The following HEATR1 variants were observed in gnomAD, a reference collection of about 807,000 sequenced individuals.
HEATR1 encodes HEAT repeat-containing protein 1.
A neutral mutation model predicts 248.2 loss-of-function variants in HEATR1; 77 were observed. The observed-to-expected ratio is 0.31, with a 90% CI of 0.26 to 0.37. HEATR1 has a LOEUF of 0.37. HEATR1 is among the 10% of genes least tolerant of loss of function. HEATR1 has a pLI of 1.00. For missense variants in HEATR1, 2,420 were observed against 2,504.9 expected, an observed-to-expected ratio of 0.97 and a Z score of 0.72; for synonymous variants, 897 against 923.1, an observed-to-expected ratio of 0.97 and a Z score of 0.51.
chr1:236,577,218 C>T (rs533512228), intron 20 of HEATR1, among the ~76,000 whole-genome samples: 1 of 152,316 alleles, frequency 6.6e-6, no homozygotes, highest in African/African-American at 2.4e-5. Flanking sequence ...ATGGTGCAAT[C>T]TCGGCTCACT....
intron 9 of HEATR1, 120 bp downstream of exon 9, chr1:236,593,892 T>C: frequency 3.0e-6 from 2 of 657,598 alleles, no homozygotes; most frequent in Non-Finnish European, 5.2e-6. Context: ...GTTAATGAAA[T>C]GATACAGACA....
At chr1:236,572,616 C>A in intron 25 of HEATR1, 62 bp from the exon 26 acceptor site, 1 of 1,606,468 alleles carries the variant, frequency 6.2e-7, no homozygotes, top group Non-Finnish European at 8.5e-7. Flanking sequence ...AAGTAAAAAC[C>A]ATTGTGCCTG....
At position 236,572,543 on chromosome 1, in the gene HEATR1, T is replaced by A; in HGVS notation, c.3575A>T (p.Asp1192Val). 6.2e-7 allele frequency: 1 copy of A among 1,613,710 alleles called. No individual in the cohort carries two copies. Among genetic ancestry groups the A allele is most frequent in the African/African-American group, 1.3e-5 (1 of 74,986 alleles). ...TCCAACTTCCTGAACAGATTCTAGA[T>A]CTTGTGATTTTCTGGAAAATGGAGA... ...RQKMQQKKSQ[D>V]LESVQEVGGS... Residue 1192 changes from aspartate (D) to valine (V), a missense_variant, in exon 26 of 45, where the codon GAT (aspartate) becomes GTT (valine). By Grantham distance (152) the Asp-to-Val change is radical. Transcript: ENST00000366582.
intron 3 of HEATR1, among the ~76,000 whole-genome samples, chr1:236,602,476 C>T (rs1207124713): frequency 6.6e-6 from 1 of 152,216 alleles, no homozygotes. Flanking sequence ...AACACATTAG[C>T]TATCATTGTT....
At chr1:236,570,358 T>C (rs1663394020) in intron 28 of HEATR1, among the ~76,000 whole-genome samples, 1 of 152,064 alleles carries the variant, frequency 6.6e-6, no homozygotes, top group Non-Finnish European at 1.5e-5. Flanking sequence ...GGCCACATAT[T>C]GTATGACTCA....
At chr1:236,579,780 T>C (rs1437527285) in intron 20 of HEATR1, among the ~76,000 whole-genome samples, 1 of 152,134 alleles carries the variant, frequency 6.6e-6, no homozygotes, top group Non-Finnish European at 1.5e-5. Flanking sequence ...CATATCTACT[T>C]TAAATGTAAC....
chr1:236,574,959 C>A, intron 22 of HEATR1, 56 bp from the exon 23 acceptor site: 1 of 1,540,050 alleles, frequency 6.5e-7, no homozygotes. Flanking sequence ...TGTTTTTGCT[C>A]ACTCTACAGA....
intron 41 of HEATR1, 79 bp downstream of exon 41, chr1:236,555,217 G>C: frequency 1.4e-6 from 2 of 1,443,050 alleles, no homozygotes; most frequent in Non-Finnish European, 1.9e-6. Context: ...TTGCTTCCAA[G>C]CACTAGGTTG....
intron 3 of HEATR1, among the ~76,000 whole-genome samples, chr1:236,600,462 C>G (rs1275820500): frequency 6.6e-6 from 1 of 151,610 alleles, no homozygotes; most frequent in African/African-American, 2.4e-5. Context: ...CCAACTGATC[C>G]CTCTTCTGTG....
Position 236,559,074 on chromosome 1 carries a change from G to A in HEATR1, c.4832C>T (p.Pro1611Leu). ...CGCTTTGCGGCGAACAGATGGCAGGGGATTGCCCACCAGCCCTCTGATCAC... is the reference window on the plus strand; with the variant it reads ...CGCTTTGCGGCGAACAGATGGCAGGAGATTGCCCACCAGCCCTCTGATCAC... Reference protein sequence around the residue: ...IPVIRGLVGNPLPSVRRKALD... With the variant: ...IPVIRGLVGNLLPSVRRKALD... Residue 1611 changes from proline to leucine, a missense_variant, in exon 35 of 45, where the codon CCC becomes CTC. Coordinates refer to ENST00000366582, the MANE Select transcript of HEATR1 (RefSeq NM_018072.6). The A allele has an allele frequency of 6.2e-7, 1 of 1,612,392 alleles. No homozygotes were observed. The highest frequency in any genetic ancestry group is 2.2e-5 in the East Asian group (1 of 44,806).
chr1:236,586,845 C>G (rs1227255551), intron 14 of HEATR1, among the ~76,000 whole-genome samples: 1 of 151,928 alleles, frequency 6.6e-6, no homozygotes, highest in Admixed American at 6.6e-5. Flanking sequence ...CACTCAGGCA[C>G]TCAAAAAAAA....
intron 4 of HEATR1, 76 bp from the exon 5 acceptor site, chr1:236,598,055 A>G (rs1028524173): frequency 2.2e-5 from 19 of 860,618 alleles, no homozygotes; most frequent in Non-Finnish European, 3.5e-5. Flanking sequence ...TACCCTAGTA[A>G]TGTCTTCATA....
Position 236,555,641 on chromosome 1 carries a change from T to C in HEATR1, c.5664A>G (p.Glu1888=). The stretch of plus-strand genomic sequence containing the variant: ...TGATACAATTTTCCGTTTTTCCAAC[T>C]TCCTCCAGATCGTTCTGAAAACAGA... The part of the protein sequence containing the change: ...RAQHSENDLE[E]VGKTENCIID... The change falls in exon 40 of 45, where the codon GAA becomes GAG. Residue 1888 remains glutamate, a synonymous_variant. Transcript: ENST00000366582. 1.2e-6 allele frequency: 2 copies of C among 1,614,234 alleles called. No homozygotes were observed. The highest frequency in any genetic ancestry group is 1.7e-6 in the Non-Finnish European group (2 of 1,180,020).
intron 12 of HEATR1, among the ~76,000 whole-genome samples, chr1:236,590,410 C>CT (rs991520981): frequency 2.6e-5 from 4 of 151,854 alleles, no homozygotes; most frequent in African/African-American, 9.7e-5. Context: ...ATTTTTTGAA[C>CT]TTTTTTATAG....
chr1:236,572,375 C>T (rs751288423), intron 26 of HEATR1, 36 bp downstream of exon 26: 7 of 1,605,222 alleles, frequency 4.4e-6, no homozygotes, highest in South Asian at 1.1e-5. Context: ...GAATTAGAGT[C>T]CTATTCTCTC....
intron 28 of HEATR1, 26 bp from the exon 29 acceptor site, chr1:236,569,150 T>C: frequency 2.6e-6 from 4 of 1,535,666 alleles, no homozygotes; most frequent in Non-Finnish European, 3.5e-6. Flanking sequence ...ACTATCAACA[T>C]TTTTTATTTC....
At chr1:236,563,305 A>G (rs2799437) in intron 32 of HEATR1, among the ~76,000 whole-genome samples, 97,784 of 151,678 alleles carry the variant, frequency 0.64, 32,397 homozygotes, top group Non-Finnish European at 0.72. Context: ...TTCAGACAGA[A>G]TCTCGCTCTG....
At chr1:236,576,474 A>G in intron 21 of HEATR1, 97 bp from the exon 22 acceptor site, 1 of 902,120 alleles carries the variant, frequency 1.1e-6, no homozygotes, top group Non-Finnish European at 1.6e-6. Flanking sequence ...ATGATGTGAC[A>G]TTGTTTATAA....
intron 24 of HEATR1, among the ~76,000 whole-genome samples, chr1:236,573,412 T>G (rs1289967775): frequency 6.6e-6 from 1 of 152,190 alleles, no homozygotes; most frequent in Non-Finnish European, 1.5e-5. Context: ...TCTCTTTTTA[T>G]AAGGTTCTAA....
Sources: gnomAD v4.1 joint callset for allele counts (sites outside exome capture counted in the v4.1 genomes callset) on GRCh38, gnomAD v4.1.1 for gene constraint, MANE v1.5 for transcripts, NCBI Gene and HGNC (gene_info 2026-07-23, HGNC 2026-07-21) for gene names.